The following NELL1 variants were observed in gnomAD, a reference collection of about 807,000 sequenced individuals.
NELL1 encodes neural EGFL like 1.
NELL1 carries 76 observed loss-of-function variants against 107.4 expected under a neutral mutation model. That is an observed-to-expected ratio of 0.71 (90% CI 0.59 to 0.86). The LOEUF (loss-of-function observed/expected upper bound fraction) is 0.86, where lower values mean the gene tolerates loss of function less well. NELL1 is among the 40% of genes least tolerant of loss of function. NELL1 has a pLI of 0.00. For synonymous variants in NELL1, 353 were observed against 341.2 expected (o/e 1.03, Z -0.38); for missense variants, 1,024 against 1,005.5 (o/e 1.02, Z -0.25).
chr11:20,819,485 G>T (rs1301682450), intron 3 of NELL1, among the ~76,000 whole-genome samples: 1 of 152,196 alleles, frequency 6.6e-6, no homozygotes, highest in Non-Finnish European at 1.5e-5. Context: ...TCCACTGAGG[G>T]CAATGTGTGG....
intron 15 of NELL1, among the ~76,000 whole-genome samples, chr11:21,382,559 A>G (rs59288229): frequency 0.018 from 2,778 of 152,046 alleles, 84 homozygotes; most frequent in African/African-American, 0.063. Flanking sequence ...AAGACACCTA[A>G]GTTAAAGTAT....
chr11:20,802,729 G>T (rs1857304423), intron 3 of NELL1, among the ~76,000 whole-genome samples: 1 of 152,066 alleles, frequency 6.6e-6, no homozygotes, highest in South Asian at 2.1e-4. Context: ...TTATTGTGTT[G>T]AGATAAATGT....
chr11:21,119,343 A>C (rs1349035423), intron 13 of NELL1, among the ~76,000 whole-genome samples: 1 of 151,342 alleles, frequency 6.6e-6, no homozygotes, highest in East Asian at 2.0e-4. Context: ...TACACAGAAC[A>C]GGAAACTTTA....
At chr11:21,449,588 A>T (rs1853528672) in intron 15 of NELL1, among the ~76,000 whole-genome samples, 1 of 152,084 alleles carries the variant, frequency 6.6e-6, no homozygotes, top group Admixed American at 6.5e-5. Context: ...TCTTTTATAG[A>T]TTATGTTTTT....
chr11:21,167,190 G>C (rs1856503237), intron 13 of NELL1, among the ~76,000 whole-genome samples: 1 of 151,794 alleles, frequency 6.6e-6, no homozygotes, highest in African/African-American at 2.4e-5. Flanking sequence ...ATTATATAGT[G>C]TTGCCCCAGT....
intron 12 of NELL1, among the ~76,000 whole-genome samples, chr11:21,066,184 T>G (rs1258729131): frequency 6.6e-6 from 1 of 152,200 alleles, no homozygotes; most frequent in African/African-American, 2.4e-5. Context: ...CTCTTTACCT[T>G]ACTTCAAGCT....
In NELL1 at chr11:20,822,252, C is replaced by T. The variant is rs543534415; in HGVS notation, c.336-25331C>T. ...TGAAGAGGTAAGCTCAAGGGAATGG[C>T]TTGGTAAACTGGCATAATCAGGACT... On this transcript the variant is annotated intron_variant, in intron 3 of 19. Coordinates refer to ENST00000357134, the MANE Select transcript of NELL1 (RefSeq NM_006157.5). Among the ~76,000 whole-genome samples the T allele has an allele frequency of 1.6e-4, 24 of 152,254 alleles. 1 individual carries two copies. The highest frequency in any genetic ancestry group is 5.8e-4 in the African/African-American group (24 of 41,548).
intron 13 of NELL1, among the ~76,000 whole-genome samples, chr11:21,180,706 T>A (rs1460531617): frequency 6.6e-6 from 1 of 151,752 alleles, no homozygotes; most frequent in South Asian, 2.1e-4. Flanking sequence ...TATTCTGTAC[T>A]GCCTTCTTGT....
intron 2 of NELL1, among the ~76,000 whole-genome samples, chr11:20,702,380 A>C (rs1189727440): frequency 6.6e-6 from 1 of 152,156 alleles, no homozygotes; most frequent in South Asian, 2.1e-4. Flanking sequence ...ACTTTGCTGA[A>C]GTTGCTTATC....
chr11:21,136,615 A>G (rs1042146706), intron 13 of NELL1, among the ~76,000 whole-genome samples: 52 of 152,190 alleles, frequency 3.4e-4, no homozygotes, highest in African/African-American at 1.2e-3. Flanking sequence ...CAAATCTATT[A>G]CAAACTGAGT....
chr11:21,545,374 A>G (rs1856415536), intron 16 of NELL1, among the ~76,000 whole-genome samples: 1 of 151,982 alleles, frequency 6.6e-6, no homozygotes, highest in Non-Finnish European at 1.5e-5. Context: ...ACAATTTTGT[A>G]TTCTGTGAAT....
intron 13 of NELL1, among the ~76,000 whole-genome samples, chr11:21,150,045 G>A (rs1019087597): frequency 1.3e-5 from 2 of 152,046 alleles, no homozygotes; most frequent in African/African-American, 4.8e-5. Flanking sequence ...TGCAAAAACC[G>A]AGGAGGAGAG....
intron 12 of NELL1, among the ~76,000 whole-genome samples, chr11:21,021,194 A>G (rs1413084467): frequency 3.3e-5 from 5 of 151,180 alleles, no homozygotes; most frequent in Admixed American, 6.6e-5. Flanking sequence ...ATGAGTTTAC[A>G]TATTCAGTCT....
At chr11:21,292,011 C>T (rs941750512) in intron 14 of NELL1, among the ~76,000 whole-genome samples, 4 of 152,124 alleles carry the variant, frequency 2.6e-5, no homozygotes, top group African/African-American at 9.7e-5. Context: ...CTTTGAAAAC[C>T]ACACAGGACA....
chr11:21,066,809 C>T (rs1294176676), intron 12 of NELL1, among the ~76,000 whole-genome samples: 1 of 151,868 alleles, frequency 6.6e-6, no homozygotes, highest in Admixed American at 6.6e-5. Flanking sequence ...CAAAAGTTAG[C>T]TGGGTGTGAT....
rs183894153 is a variant in NELL1, at chr11:21,095,857, G to A, written c.1301-17732G>A. Among the ~76,000 whole-genome samples, 1,066 of 152,196 alleles carry A rather than the reference G, an allele frequency of 7.0e-3. 17 individuals are homozygous for A. Among genetic ancestry groups the A allele is most frequent in the African/African-American group, 0.023 (975 of 41,536 alleles). ...ACTCCTGACCTCAGGTAATCCACCCGCCTCAGCCTCCCAAAATGCTGGGAT... is the reference window on the plus strand; with the variant it reads ...ACTCCTGACCTCAGGTAATCCACCCACCTCAGCCTCCCAAAATGCTGGGAT... On this transcript the variant is annotated intron_variant, in intron 12 of 19. Coordinates refer to ENST00000357134, the MANE Select transcript of NELL1 (RefSeq NM_006157.5).
chr11:20,827,162 C>T (rs969544619), intron 3 of NELL1, among the ~76,000 whole-genome samples: 4 of 151,288 alleles, frequency 2.6e-5, no homozygotes, highest in African/African-American at 4.8e-5. Context: ...TGCCAAGACA[C>T]GAACATTAAT....
At chr11:21,070,968 T>A (rs1456314125) in intron 12 of NELL1, among the ~76,000 whole-genome samples, 1 of 152,154 alleles carries the variant, frequency 6.6e-6, no homozygotes, top group Non-Finnish European at 1.5e-5. Context: ...CAAACACATC[T>A]CCCATTGTAA....
intron 2 of NELL1, among the ~76,000 whole-genome samples, chr11:20,705,820 A>G (rs1854934214): frequency 6.6e-6 from 1 of 151,712 alleles, no homozygotes; most frequent in Non-Finnish European, 1.5e-5. Context: ...AATTTACAAG[A>G]AAAAATCAAA....
Sources: allele counts gnomAD v4.1 joint callset (sites outside exome capture counted in the v4.1 genomes callset), GRCh38; gene constraint gnomAD v4.1.1; transcripts MANE v1.5; gene names NCBI Gene and HGNC (gene_info 2026-07-23, HGNC 2026-07-21).